The following TFAP2A variants were observed in gnomAD, a reference collection of about 807,000 sequenced individuals.
TFAP2A encodes the protein transcription factor AP-2 alpha.
Under a neutral mutation model 41.5 loss-of-function variants are expected in TFAP2A, and 7 were observed. The ratio of observed to expected loss-of-function variants is 0.17; its 90% CI spans 0.10 to 0.32. The LOEUF (loss-of-function observed/expected upper bound fraction) is 0.32. Ranked by LOEUF, TFAP2A falls within the 10% of genes least tolerant of loss-of-function variation. TFAP2A has a pLI of 1.00. For synonymous variants in TFAP2A, 247 were observed against 242.8 expected (o/e 1.02, Z -0.16); for missense variants, 416 against 563.3 (o/e 0.74, Z 2.65).
chr6:10,406,171 AAC>A (rs1491533845), intron 3 of TFAP2A: 1 of 152,618 alleles, frequency 6.6e-6, no homozygotes, highest in Non-Finnish European at 1.5e-5. Context: ...CTACTCACTA[AAC>A]ACAATACAGA....
At chr6:10,415,487 C>A (rs1461013), upstream of TFAP2A, 53 of 246,190 alleles carry the variant, frequency 2.2e-4, no homozygotes, top group African/African-American at 1.0e-3. Context: ...CCCAACACCC[C>A]CTCTCTTACC....
chr6:10,415,298 C>A, upstream of TFAP2A: 3 of 1,378,636 alleles, frequency 2.2e-6, no homozygotes, highest in Non-Finnish European at 2.8e-6. Context: ...TCTTTACCAA[C>A]AGCCTAATCG....
rs1167248049 is a variant in TFAP2A at position 10,398,352 on chromosome 6, C to A, written c.*65G>T. On this transcript the variant is annotated 3_prime_UTR_variant, in exon 7 of 7. Transcript: ENST00000379613. This position sits in a 1 kb window ranked among gnomAD's most constrained non-coding sequence, Gnocchi z 5.3. Reference sequence around the variant, plus strand: ...AGGGTTGCTGATCCCGGAGCTGTCACCCGCCGGAGGGTGGGCGCGCGGGGG... The same window carrying A: ...AGGGTTGCTGATCCCGGAGCTGTCAACCGCCGGAGGGTGGGCGCGCGGGGG... 7 of 1,608,876 alleles carry A rather than the reference C, an allele frequency of 4.4e-6. No individual in the cohort carries two copies. The Admixed American group carries it at 1.2e-4, about 27-fold the overall frequency.
rs1761851996 is a variant in TFAP2A, at chr6:10,398,140, G to GT, written c.*276dup. 1.6e-5 allele frequency: 22 copies of GT among 1,404,536 alleles called. No individual in the cohort carries two copies. The highest frequency in any genetic ancestry group is 1.9e-5 in the Non-Finnish European group (20 of 1,080,040). The allele number at this position is 1,404,536 out of a possible 1,614,324, so 87.0% of individuals were successfully genotyped here. A position where few individuals can be genotyped will look rare whatever the true frequency, so the allele number is the denominator to read the frequency against. ...CTTTTCTCTGCTGGCTTCACGGCCT[G>GT]TTCTGTTCTCTTAGGCTCCACATGA... On this transcript the variant is annotated 3_prime_UTR_variant, in exon 7 of 7. Transcript: ENST00000379613. The surrounding 1 kb of genome is among the most constrained non-coding windows in gnomAD (Gnocchi z 5.3).
intron 4 of TFAP2A, among the ~76,000 whole-genome samples, chr6:10,403,817 G>A: frequency 6.6e-6 from 1 of 152,306 alleles, no homozygotes; most frequent in South Asian, 2.1e-4. Context: ...GTATGTAACA[G>A]ATGCATTCCT....
chr6:10,412,700 C>G (rs1758047347), intron 1 of TFAP2A: 1 of 337,252 alleles, frequency 3.0e-6, no homozygotes, highest in Non-Finnish European at 6.1e-6. Context: ...CTTCCCGGCC[C>G]TGTCTGGCCG....
intron 1 of TFAP2A, chr6:10,411,836 G>A (rs1757985902): frequency 1.4e-6 from 2 of 1,412,216 alleles, no homozygotes; most frequent in South Asian, 3.1e-5. Flanking sequence ...TCTCTATCCT[G>A]CCGCGACTGG....
chr6:10,414,967 C>G lies in TFAP2A; in HGVS notation c.25G>C (p.Asp9His), dbSNP rs1758181417. Residue 9 changes from aspartate (D) to histidine (H), a missense_variant, in exon 1 of 7, where the codon GAT (aspartate) becomes CAT (histidine). Asp to His is a moderately conservative substitution (Grantham distance 81). This residue lies in a region of TFAP2A where 241 missense variants were observed against 274.1 expected (regional missense o/e 0.88). Transcript: ENST00000379613. MKMLWKLT[D>H]NIKYEDCEDR... ...TCGCAGTCCTCGTACTTGATATTAT[C>G]CGTCAATTTCCAAAGCATTTTCATG... 1.2e-6 allele frequency: 2 copies of G among 1,613,938 alleles called. No individual in the cohort carries two copies. Among genetic ancestry groups the G allele is most frequent in the African/African-American group, 2.7e-5 (2 of 74,850 alleles).
At chr6:10,419,651 G>C, upstream of TFAP2A, 1 of 658,944 alleles carries the variant, frequency 1.5e-6, no homozygotes, top group Non-Finnish European at 2.8e-6. Flanking sequence ...TGCAGTCCCA[G>C]CGCCGCACAG....
chr6:10,406,860 A>C lies in TFAP2A; in HGVS notation c.487-16T>G, dbSNP rs1272949208. The C allele has an allele frequency of 6.2e-7, 1 of 1,601,876 alleles. No individual in the cohort carries two copies. The highest frequency in any genetic ancestry group is 1.7e-5 in the Admixed American group (1 of 60,028). On this transcript the variant is annotated splice_polypyrimidine_tract_variant and intron_variant, in intron 2 of 6. Coordinates refer to ENST00000379613, the MANE Select transcript of TFAP2A (RefSeq NM_001372066.1). ...CTTCTACATGCTGCAACAAAAGGAT[A>C]CACATGGATGTAAGTGTATCATCAA...
At chr6:10,414,818 C>G in intron 1 of TFAP2A, 123 bp downstream of exon 1, 1 of 1,334,848 alleles carries the variant, frequency 7.5e-7, no homozygotes, top group Non-Finnish European at 1.1e-6. Flanking sequence ...GGGACGGGCG[C>G]TGCGCTGGGG....
intron 5 of TFAP2A, among the ~76,000 whole-genome samples, chr6:10,401,677 T>A (rs1017099370): frequency 6.6e-6 from 1 of 152,262 alleles, no homozygotes; most frequent in African/African-American, 2.4e-5. Context: ...TAACTTTTTT[T>A]TCCCTGTTAG....
At chr6:10,410,501 T>C (rs111994530) in intron 1 of TFAP2A, among the ~76,000 whole-genome samples, 166 bp from the exon 2 acceptor site, 1 of 151,792 alleles carries the variant, frequency 6.6e-6, no homozygotes, top group African/African-American at 2.4e-5. Context: ...TACCCTCAAG[T>C]GAAACAGACC....
intron 3 of TFAP2A, chr6:10,404,995 T>A (rs536419506): frequency 7.4e-4 from 419 of 569,420 alleles, no homozygotes; most frequent in Non-Finnish European, 1.1e-3. Flanking sequence ...GCCTTGACCC[T>A]TTCCCCTTCG....
At chr6:10,402,269 G>C (rs1762038048) in intron 5 of TFAP2A, 2 of 628,128 alleles carry the variant, frequency 3.2e-6, no homozygotes, top group African/African-American at 3.6e-5. Context: ...GGCTGGGGAG[G>C]TGTAACTTTA....
chr6:10,399,388 C>CA (rs1460817530), intron 6 of TFAP2A, among the ~76,000 whole-genome samples: 1 of 152,262 alleles, frequency 6.6e-6, no homozygotes, highest in Non-Finnish European at 1.5e-5. Context: ...TCTTTCCCCA[C>CA]ATAGCTCAAA....
upstream of TFAP2A, among the ~76,000 whole-genome samples, chr6:10,417,818 C>A (rs1758300393): frequency 6.6e-6 from 1 of 152,192 alleles, no homozygotes; most frequent in South Asian, 2.1e-4. Flanking sequence ...AACTGTGAGC[C>A]CGCAAGAGCC....
upstream of TFAP2A, chr6:10,417,140 G>GT (rs1183751540): frequency 1.3e-5 from 2 of 152,306 alleles, no homozygotes; most frequent in African/African-American, 4.8e-5. Flanking sequence ...GAGAGCATGG[G>GT]TTTTTACACT....
upstream of TFAP2A, chr6:10,416,971 C>T (rs146348897): frequency 7.6e-4 from 116 of 152,720 alleles, no homozygotes; most frequent in Admixed American, 2.4e-3. Context: ...CTTGGCGCCG[C>T]CCTCCGTCCA....
Sources: gnomAD v4.1 joint callset for allele counts (sites outside exome capture counted in the v4.1 genomes callset) on GRCh38, gnomAD v4.1.1 for gene constraint, gnomAD v4.1.1 regional missense constraint, Gnocchi (gnomAD v3.1) non-coding constraint, MANE v1.5 for transcripts, NCBI Gene and HGNC (gene_info 2026-07-23, HGNC 2026-07-21) for gene names.